The following DRC11 variants were observed in gnomAD, a reference collection of about 807,000 sequenced individuals.
DRC11 encodes IQ and AAA domain-containing protein 1.
At chr2:236,353,394 G>C in the DRC11 span, among the ~76,000 whole-genome samples, 1 of 152,160 alleles carries the variant, frequency 6.6e-6, no homozygotes, top group Non-Finnish European at 1.5e-5. The surrounding 1 kb of genome is among the most constrained non-coding windows in gnomAD (Gnocchi z 5.0). Context: ...TTATGGGCTT[G>C]ATCTTTTGTA....
At chr2:236,424,874 GT>G in the DRC11 span, among the ~76,000 whole-genome samples, 1 of 151,646 alleles carries the variant, frequency 6.6e-6, no homozygotes, top group Non-Finnish European at 1.5e-5. Flanking sequence ...AAGTTAAATT[GT>G]TTTTTTAGAT....
At chr2:236,349,452 G>A in the DRC11 span, among the ~76,000 whole-genome samples, 4 of 152,056 alleles carry the variant, frequency 2.6e-5, no homozygotes, top group Non-Finnish European at 5.9e-5. The surrounding 1 kb of genome is among the most constrained non-coding windows in gnomAD (Gnocchi z 5.5). Flanking sequence ...GAATCCAATG[G>A]AGAAACCATC....
At chr2:236,495,243 T>TGAGGCAGGAGAATTGCTTG in the DRC11 span, among the ~76,000 whole-genome samples, 3 of 152,156 alleles carry the variant, frequency 2.0e-5, no homozygotes, top group African/African-American at 7.2e-5. This position sits in a 1 kb window ranked among gnomAD's most constrained non-coding sequence, Gnocchi z 5.6. Context: ...CTTGGGAGGC[T>TGAGGCAGGAGAATTGCTTG]GAGGCAGGAG....
At chr2:236,487,552 G>A in the DRC11 span, among the ~76,000 whole-genome samples, 1 of 152,090 alleles carries the variant, frequency 6.6e-6, no homozygotes, top group African/African-American at 2.4e-5. Context: ...ATCTGATAAG[G>A]AAAGAAAACC....
chr2:236,319,103 C>T, the DRC11 span, among the ~76,000 whole-genome samples: 1 of 152,240 alleles, frequency 6.6e-6, no homozygotes, highest in South Asian at 2.1e-4. This position sits in a 1 kb window ranked among gnomAD's most constrained non-coding sequence, Gnocchi z 6.7. Context: ...TCACAGGACC[C>T]TTCTGCCATG....
the DRC11 span, among the ~76,000 whole-genome samples, chr2:236,442,818 G>T: frequency 6.6e-6 from 1 of 152,142 alleles, no homozygotes; most frequent in African/African-American, 2.4e-5. Flanking sequence ...TTTCTGGAAG[G>T]TTCAAATTTT....
chr2:236,497,150 A>G, the DRC11 span: 1 of 1,590,278 alleles, frequency 6.3e-7, no homozygotes, highest in Non-Finnish European at 8.6e-7. This position sits in a 1 kb window ranked among gnomAD's most constrained non-coding sequence, Gnocchi z 5.1. Flanking sequence ...TAAGAAAACA[A>G]CAGAGTGCTT....
the DRC11 span, among the ~76,000 whole-genome samples, chr2:236,380,286 G>A: frequency 1.3e-5 from 2 of 152,168 alleles, no homozygotes. This position sits in a 1 kb window ranked among gnomAD's most constrained non-coding sequence, Gnocchi z 4.9. Context: ...CTTCACCAGG[G>A]TGTTATTTCT....
At chr2:236,435,896 A>G in the DRC11 span, among the ~76,000 whole-genome samples, 3 of 152,108 alleles carry the variant, frequency 2.0e-5, no homozygotes, top group Non-Finnish European at 4.4e-5. Context: ...AACTTCTGTT[A>G]TTATTATTTA....
chr2:236,454,034 A>G, the DRC11 span, among the ~76,000 whole-genome samples: 25 of 152,264 alleles, frequency 1.6e-4, no homozygotes, highest in African/African-American at 5.8e-4. The surrounding 1 kb of genome is among the most constrained non-coding windows in gnomAD (Gnocchi z 5.3). Context: ...TGCTTAGCCC[A>G]TGGGTTCTTC....
chr2:236,311,275 G>A, the DRC11 span, among the ~76,000 whole-genome samples: 1 of 152,244 alleles, frequency 6.6e-6, no homozygotes, highest in African/African-American at 2.4e-5. This position sits in a 1 kb window ranked among gnomAD's most constrained non-coding sequence, Gnocchi z 6.9. Context: ...TGGGTGGGTT[G>A]TGTTGGAGGT....
chr2:236,459,506 C>CGT, the DRC11 span, among the ~76,000 whole-genome samples: 9 of 101,244 alleles, frequency 8.9e-5, no homozygotes, highest in Admixed American at 4.3e-4. Flanking sequence ...TATATGTATA[C>CGT]GTATACGTAT....
chr2:236,470,546 T>C, the DRC11 span, among the ~76,000 whole-genome samples: 1 of 152,200 alleles, frequency 6.6e-6, no homozygotes, highest in African/African-American at 2.4e-5. The surrounding 1 kb of genome is among the most constrained non-coding windows in gnomAD (Gnocchi z 5.1). Flanking sequence ...CGCTGCGGAA[T>C]GCACCGCTCC....
the DRC11 span, among the ~76,000 whole-genome samples, chr2:236,459,601 A>ATGTG: frequency 1.5e-3 from 187 of 121,498 alleles, 1 homozygote; most frequent in South Asian, 3.5e-3. Context: ...ATACGTATAC[A>ATGTG]TATATACGTA....
At chr2:236,465,360 T>C in the DRC11 span, 1 of 686,468 alleles carries the variant, frequency 1.5e-6, no homozygotes, top group South Asian at 1.9e-5. This position sits in a 1 kb window ranked among gnomAD's most constrained non-coding sequence, Gnocchi z 6.2. Context: ...AATTTCTGAA[T>C]TCTTAGCCTT....
At chr2:236,496,595 G>C in the DRC11 span, among the ~76,000 whole-genome samples, 1 of 152,280 alleles carries the variant, frequency 6.6e-6, no homozygotes, top group African/African-American at 2.4e-5. The surrounding 1 kb of genome is among the most constrained non-coding windows in gnomAD (Gnocchi z 6.3). Flanking sequence ...CCAGCAGCAA[G>C]GGCTCCAGGG....
chr2:236,410,251 G>A, the DRC11 span, among the ~76,000 whole-genome samples: 4 of 150,680 alleles, frequency 2.7e-5, no homozygotes, highest in African/African-American at 9.8e-5. Context: ...GACTCTTTTT[G>A]GTTGGTAAGC....
the DRC11 span, among the ~76,000 whole-genome samples, chr2:236,393,016 A>G: frequency 6.6e-6 from 1 of 152,228 alleles, no homozygotes; most frequent in African/African-American, 2.4e-5. This position sits in a 1 kb window ranked among gnomAD's most constrained non-coding sequence, Gnocchi z 4.7. Context: ...AAATGGAAAT[A>G]GAGCTCCTTT....
the DRC11 span, among the ~76,000 whole-genome samples, chr2:236,425,237 CTG>C: frequency 6.6e-6 from 1 of 151,996 alleles, no homozygotes; most frequent in Non-Finnish European, 1.5e-5. Flanking sequence ...AACTTCCACA[CTG>C]TTTTCCATAA....
Sources: allele counts gnomAD v4.1 joint callset (sites outside exome capture counted in the v4.1 genomes callset), GRCh38; gene constraint gnomAD v4.1.1; non-coding constraint Gnocchi (gnomAD v3.1); transcripts MANE v1.5; gene names NCBI Gene and HGNC (gene_info 2026-07-23, HGNC 2026-07-21).